Variants in RHOG observed in about 807,000 individuals in gnomAD.
RHOG encodes ras homolog family member G.
A neutral mutation model predicts 12.3 loss-of-function variants in RHOG; 1 was observed. That is an observed-to-expected ratio of 0.08 (90% CI 0.03 to 0.39). The LOEUF (loss-of-function observed/expected upper bound fraction) is 0.39. Among genes scored for constraint, RHOG ranks in the 10% least tolerant of loss-of-function variants. The pLI is 0.99. For synonymous variants in RHOG, 129 were observed against 116.0 expected, an observed-to-expected ratio of 1.11 and a Z score of -0.72; for missense variants, 114 against 266.2, an observed-to-expected ratio of 0.43 and a Z score of 3.98.
chr11:3,831,882 G>A (rs1228003853), intron 1 of RHOG, among the ~76,000 whole-genome samples: 2 of 152,168 alleles, frequency 1.3e-5, no homozygotes, highest in African/African-American at 4.8e-5. Flanking sequence ...AGGCAAGGAG[G>A]GAACTCCGGC....
intron 1 of RHOG, among the ~76,000 whole-genome samples, chr11:3,828,798 T>C (rs557577318): frequency 6.6e-6 from 1 of 151,758 alleles, no homozygotes; most frequent in Non-Finnish European, 1.5e-5. Context: ...TTTTTTGTAT[T>C]TTTAGTAGAG....
chr11:3,836,930 A>AAAAAAAAAAAC, intron 1 of RHOG, among the ~76,000 whole-genome samples: 1 of 135,708 alleles, frequency 7.4e-6, no homozygotes, highest in Non-Finnish European at 1.6e-5. Context: ...AAAAAAAAAA[A>AAAAAAAAAAAC]AGCTGAGCCT....
At chr11:3,831,118 T>C (rs1321336220) in intron 1 of RHOG, among the ~76,000 whole-genome samples, 5 of 152,158 alleles carry the variant, frequency 3.3e-5, no homozygotes, top group Non-Finnish European at 2.9e-5. Flanking sequence ...TCACTTGCTA[T>C]ACTGCAAGGC....
intron 1 of RHOG, among the ~76,000 whole-genome samples, chr11:3,836,931 A>AAAAAAAAAAAAT (rs2090161339): frequency 7.3e-6 from 1 of 136,884 alleles, no homozygotes; most frequent in Non-Finnish European, 1.6e-5. Flanking sequence ...AAAAAAAAAA[A>AAAAAAAAAAAAT]GCTGAGCCTC....
intron 1 of RHOG, among the ~76,000 whole-genome samples, chr11:3,839,583 G>A (rs962739306): frequency 2.2e-4 from 29 of 134,768 alleles, no homozygotes; most frequent in South Asian, 2.5e-4. Context: ...ACAGACACGC[G>A]CGTGCGAACA....
chr11:3,829,565 G>A (rs551854919), intron 1 of RHOG, among the ~76,000 whole-genome samples: 1 of 151,712 alleles, frequency 6.6e-6, no homozygotes, highest in South Asian at 2.1e-4. Context: ...CATCATTCTT[G>A]TAAGTACTGA....
At position 3,828,184 on chromosome 11, in the gene RHOG, T is replaced by C. The variant is rs1288321651; in HGVS notation, c.-46A>G. 6.5e-6 allele frequency: 10 copies of C among 1,537,278 alleles called. No homozygotes were observed. The highest frequency in any genetic ancestry group is 8.9e-6 in the Non-Finnish European group (10 of 1,125,450). On this transcript the variant is annotated 5_prime_UTR_variant, in exon 2 of 2. Coordinates refer to ENST00000351018, the MANE Select transcript of RHOG (RefSeq NM_001665.4). ...TGGAGGCAGTGCCTCCTCTCTCTTC[T>C]GGACCCCTCTGGCTGCAGTGACCTG...
chr11:3,828,355 C>A, intron 1 of RHOG, 149 bp from the exon 2 acceptor site: 2 of 585,886 alleles, frequency 3.4e-6, no homozygotes, highest in Non-Finnish European at 6.1e-6. Flanking sequence ...CAGAAAGACA[C>A]ACAATGAAAG....
intron 1 of RHOG, among the ~76,000 whole-genome samples, chr11:3,832,826 C>T (rs991793905): frequency 6.6e-6 from 1 of 152,174 alleles, no homozygotes. Flanking sequence ...TGCAGGACAC[C>T]AAACCAGGAG....
At chr11:3,836,962 T>C (rs553993182) in intron 1 of RHOG, among the ~76,000 whole-genome samples, 39 of 140,268 alleles carry the variant, frequency 2.8e-4, no homozygotes, top group African/African-American at 9.4e-4. Context: ...CAGCTCTGGC[T>C]GGGGGAGCCA....
intron 1 of RHOG, among the ~76,000 whole-genome samples, chr11:3,832,939 A>G (rs1426415176): frequency 6.6e-6 from 1 of 152,094 alleles, no homozygotes; most frequent in East Asian, 1.9e-4. Flanking sequence ...AGTCCCAGCT[A>G]CTAGGGAGGC....
chr11:3,836,958 T>C lies in RHOG; in HGVS notation c.-69+3936A>G, dbSNP rs539087345. Among the ~76,000 whole-genome samples, 109 of 143,992 alleles carry C rather than the reference T, an allele frequency of 7.6e-4. 1 individual carries two copies. Among genetic ancestry groups the C allele is most frequent in the African/African-American group, 2.8e-3 (105 of 38,084 alleles). The allele number at this position is 143,992 out of a possible 152,430, so 94.5% of individuals were successfully genotyped here. ...CTGAGCCTCAGGACCAGGACAGCTC[T>C]GGCTGGGGGAGCCAAGGAAGCTGCC... On this transcript the variant is annotated intron_variant, in intron 1 of 1. Transcript: ENST00000351018.
rs1295793800 is a variant in RHOG at position 3,827,893 on chromosome 11, G to A, written c.246C>T (p.Phe82=). ...YPQTNVFVIC[F]SIASPPSYEN... ...CATAGGACGGCGGACTGGCAATGGA[G>A]AAACAGATGACGAAAACGTTGGTCT... Residue 82 remains phenylalanine, a synonymous_variant, in exon 2 of 2, where the codon TTC becomes TTT. Transcript: ENST00000351018. The surrounding 1 kb of genome is among the most constrained non-coding windows in gnomAD (Gnocchi z 7.3). The A allele has an allele frequency of 1.2e-6, 2 of 1,614,270 alleles. No individual in the cohort carries two copies. The highest frequency in any genetic ancestry group is 8.5e-7 in the Non-Finnish European group (1 of 1,180,050).
Sources: allele counts gnomAD v4.1 joint callset (sites outside exome capture counted in the v4.1 genomes callset), GRCh38; gene constraint gnomAD v4.1.1; non-coding constraint Gnocchi (gnomAD v3.1); transcripts MANE v1.5; gene names NCBI Gene and HGNC (gene_info 2026-07-23, HGNC 2026-07-21).